CLSTN2: variants seen among roughly 807,000 people sequenced by gnomAD.
CLSTN2 encodes the protein calsyntenin 2.
A neutral mutation model predicts 101.2 loss-of-function variants in CLSTN2; 48 were observed. The observed-to-expected ratio is 0.47, with a 90% confidence interval of 0.38 to 0.60. The LOEUF (loss-of-function observed/expected upper bound fraction) is 0.60, where lower values mean the gene tolerates loss of function less well. Ranked by LOEUF, CLSTN2 falls within the 20% of genes least tolerant of loss-of-function variation. The probability of loss-of-function intolerance (pLI) is 0.00; values close to 1 mark genes in which losing one functional copy is unlikely to be tolerated. For missense variants in CLSTN2, 1,160 were observed against 1,238.2 expected (o/e 0.94, Z 0.95); for synonymous variants, 481 against 463.6 (o/e 1.04, Z -0.48).
chr3:140,371,564 G>A (rs2087857825), intron 2 of CLSTN2, among the ~76,000 whole-genome samples: 1 of 152,286 alleles, frequency 6.6e-6, no homozygotes, highest in African/African-American at 2.4e-5. Flanking sequence ...GCCTGGGCAT[G>A]TTGGGTCTCA....
intron 1 of CLSTN2, among the ~76,000 whole-genome samples, chr3:140,043,126 T>A (rs1352404959): frequency 8.5e-5 from 13 of 152,206 alleles, no homozygotes; most frequent in Admixed American, 8.5e-4. Flanking sequence ...TTGAACTAGT[T>A]TACAGTCCCA....
At chr3:140,429,792 A>C (rs545126657) in intron 5 of CLSTN2, among the ~76,000 whole-genome samples, 1 of 152,148 alleles carries the variant, frequency 6.6e-6, no homozygotes, top group African/African-American at 2.4e-5. Context: ...TCCAAACTCA[A>C]GTTAAAGTGG....
At chr3:140,453,054 C>T (rs1933288630) in intron 6 of CLSTN2, among the ~76,000 whole-genome samples, 1 of 152,182 alleles carries the variant, frequency 6.6e-6, no homozygotes, top group Non-Finnish European at 1.5e-5. Context: ...TTAAATGTGA[C>T]ATTAACAACA....
At chr3:140,480,716 ATC>A (rs1243994552) in intron 8 of CLSTN2, among the ~76,000 whole-genome samples, 2 of 152,054 alleles carry the variant, frequency 1.3e-5, no homozygotes, top group Non-Finnish European at 2.9e-5. Context: ...GCATTTTTTC[ATC>A]TGTCTTTTGC....
chr3:140,254,257 T>C (rs928021480), intron 2 of CLSTN2, among the ~76,000 whole-genome samples: 5 of 152,146 alleles, frequency 3.3e-5, no homozygotes, highest in African/African-American at 1.2e-4. Flanking sequence ...AATCATTACA[T>C]ATATGAGTGA....
At chr3:140,001,004 T>C (rs149228085) in intron 1 of CLSTN2, among the ~76,000 whole-genome samples, 237 of 152,328 alleles carry the variant, frequency 1.6e-3, no homozygotes, top group African/African-American at 5.6e-3. Context: ...TGAGAAGCAC[T>C]CAGATACTAC....
intron 1 of CLSTN2, among the ~76,000 whole-genome samples, chr3:140,015,726 C>A (rs1034034912): frequency 6.6e-6 from 1 of 152,242 alleles, no homozygotes; most frequent in Admixed American, 6.5e-5. Flanking sequence ...ACTGTGGAAG[C>A]TGGGCCTAGG....
intron 10 of CLSTN2, among the ~76,000 whole-genome samples, chr3:140,553,420 C>T (rs1018148021): frequency 6.6e-6 from 1 of 152,132 alleles, no homozygotes; most frequent in African/African-American, 2.4e-5. Context: ...AAAGGAAATA[C>T]TCCAAAGTTG....
At chr3:140,561,671 G>C (rs910164117) in intron 12 of CLSTN2, among the ~76,000 whole-genome samples, 1 of 152,102 alleles carries the variant, frequency 6.6e-6, no homozygotes, top group Non-Finnish European at 1.5e-5. Context: ...ATCTCAGGTG[G>C]TCAGGGAGAC....
At chr3:140,028,551 C>A (rs998623141) in intron 1 of CLSTN2, among the ~76,000 whole-genome samples, 1 of 152,122 alleles carries the variant, frequency 6.6e-6, no homozygotes, top group Non-Finnish European at 1.5e-5. Context: ...ATTTCAAATA[C>A]AACGATCGGA....
chr3:140,540,803 G>A (rs1453074298), intron 9 of CLSTN2, among the ~76,000 whole-genome samples: 1 of 152,164 alleles, frequency 6.6e-6, no homozygotes, highest in Non-Finnish European at 1.5e-5. Context: ...AATAGAAGAG[G>A]TAGACACACT....
intron 2 of CLSTN2, among the ~76,000 whole-genome samples, chr3:140,237,006 A>G (rs180831665): frequency 6.6e-6 from 1 of 152,024 alleles, no homozygotes. Flanking sequence ...TCTACGAACT[A>G]TCTCTTCTCC....
rs529544678 is a variant in CLSTN2 at position 140,145,755 on chromosome 3, G to A, written c.110-30196G>A. On this transcript the variant is annotated intron_variant, in intron 1 of 16. Coordinates refer to ENST00000458420, the MANE Select transcript of CLSTN2 (RefSeq NM_022131.3). ...CCTTCTGCAATTTAACAAGTTCCAG[G>A]CAAGATTCCAATGCCTCTTCCAAGC... 1.2e-3 allele frequency among the ~76,000 whole-genome samples: 188 copies of A among 152,262 alleles called. 1 individual carries two copies. Among genetic ancestry groups the A allele is most frequent in the African/African-American group, 4.4e-3 (184 of 41,562 alleles).
intron 2 of CLSTN2, among the ~76,000 whole-genome samples, chr3:140,365,903 G>A (rs554728273): frequency 6.6e-6 from 1 of 152,298 alleles, no homozygotes; most frequent in South Asian, 2.1e-4. Context: ...CTTGCATAGA[G>A]GGCCTCCCAA....
At chr3:140,440,580 C>T (rs1366678429) in intron 5 of CLSTN2, among the ~76,000 whole-genome samples, 1 of 152,100 alleles carries the variant, frequency 6.6e-6, no homozygotes, top group East Asian at 1.9e-4. Flanking sequence ...TTTATTGTCT[C>T]ACAGAAACCC....
rs576494002 is a variant in CLSTN2 at position 140,550,732 on chromosome 3, A to G, written c.1674+4051A>G. Among the ~76,000 whole-genome samples, 4 of 151,706 alleles carry G rather than the reference A, an allele frequency of 2.6e-5. No homozygotes were observed. The East Asian group carries it at 5.8e-4, about 22-fold the overall frequency. On this transcript the variant is annotated intron_variant, in intron 10 of 16. Transcript: ENST00000458420. Reference sequence around the variant, plus strand: ...GCAATTTCTAGAGTCATCATAGCCTATGAAAAGAGGAGGTGCTAAAATAAG... The same window carrying G: ...GCAATTTCTAGAGTCATCATAGCCTGTGAAAAGAGGAGGTGCTAAAATAAG...
At chr3:140,535,513 A>G (rs13317681) in intron 9 of CLSTN2, among the ~76,000 whole-genome samples, 2,760 of 152,356 alleles carry the variant, frequency 0.018, 48 homozygotes, top group Non-Finnish European at 0.021. Flanking sequence ...AATGATGACA[A>G]GGGTGTTCAC....
intron 6 of CLSTN2, among the ~76,000 whole-genome samples, chr3:140,455,212 A>G (rs1300809741): frequency 2.0e-5 from 3 of 152,180 alleles, no homozygotes; most frequent in South Asian, 2.1e-4. Context: ...CCTTGATTAT[A>G]CTGGATCCTC....
At chr3:140,190,339 T>C (rs2010541795) in intron 2 of CLSTN2, among the ~76,000 whole-genome samples, 1 of 151,824 alleles carries the variant, frequency 6.6e-6, no homozygotes, top group African/African-American at 2.4e-5. Context: ...CTTGAAATTG[T>C]GTAAATGGAT....
Sources: gnomAD v4.1 joint callset for allele counts (sites outside exome capture counted in the v4.1 genomes callset) on GRCh38, gnomAD v4.1.1 for gene constraint, MANE v1.5 for transcripts, NCBI Gene and HGNC (gene_info 2026-07-23, HGNC 2026-07-21) for gene names.